GPC5: variants seen among roughly 807,000 people sequenced by gnomAD.
GPC5 encodes the protein glypican 5, also known as glypican-5.
GPC5 carries 47 observed loss-of-function variants against 53.9 expected under a neutral mutation model. The observed-to-expected ratio is 0.87, with a 90% CI of 0.69 to 1.11. The LOEUF is 1.11. GPC5 is among the 50% of genes most tolerant of loss of function. The pLI is 0.00. For synonymous variants in GPC5, 286 were observed against 263.3 expected (o/e 1.09, Z -0.84); for missense variants, 748 against 713.1 (o/e 1.05, Z -0.56).
chr13:91,531,367 AG>A (rs1208267403), intron 2 of GPC5, among the ~76,000 whole-genome samples: 1 of 151,534 alleles, frequency 6.6e-6, no homozygotes, highest in East Asian at 1.9e-4. Flanking sequence ...CGAAGAACAT[AG>A]GGGTTTTTTT....
At chr13:91,896,763 C>A (rs1349152919) in intron 5 of GPC5, among the ~76,000 whole-genome samples, 1 of 152,084 alleles carries the variant, frequency 6.6e-6, no homozygotes, top group Non-Finnish European at 1.5e-5. Flanking sequence ...TAGTAATTAC[C>A]ACTATTAGGA....
At chr13:91,468,666 T>C (rs2139170128) in intron 2 of GPC5, among the ~76,000 whole-genome samples, 1 of 152,224 alleles carries the variant, frequency 6.6e-6, no homozygotes, top group East Asian at 1.9e-4. Context: ...GAACTGTGAA[T>C]CCATAAATTT....
intron 6 of GPC5, among the ~76,000 whole-genome samples, chr13:91,952,616 AT>A (rs1434723472): frequency 6.6e-6 from 1 of 152,178 alleles, no homozygotes; most frequent in Non-Finnish European, 1.5e-5. Flanking sequence ...GGATCCCCCA[AT>A]GAGAGTATAT....
At chr13:92,041,733 G>A (rs111614824) in intron 6 of GPC5, among the ~76,000 whole-genome samples, 2,144 of 152,276 alleles carry the variant, frequency 0.014, 52 homozygotes, top group African/African-American at 0.05. Flanking sequence ...CCAGAAAGAA[G>A]GTGCCAGCTC....
At chr13:91,433,777 C>G (rs1292861255) in intron 1 of GPC5, among the ~76,000 whole-genome samples, 2 of 152,174 alleles carry the variant, frequency 1.3e-5, no homozygotes, top group South Asian at 2.1e-4. Context: ...AATTGCCACA[C>G]TGACTTCCAC....
intron 6 of GPC5, among the ~76,000 whole-genome samples, chr13:91,971,925 G>GA (rs1161174994): frequency 2.0e-5 from 3 of 151,868 alleles, no homozygotes; most frequent in Non-Finnish European, 4.4e-5. Flanking sequence ...TGTGGTGCTG[G>GA]AAAAAATGTA....
intron 7 of GPC5, among the ~76,000 whole-genome samples, chr13:92,527,518 C>T (rs965476698): frequency 6.6e-6 from 1 of 151,924 alleles, no homozygotes; most frequent in Non-Finnish European, 1.5e-5. Context: ...CACCGGTGAG[C>T]TTGAGAAGAG....
At chr13:91,886,090 G>T (rs2039318915) in intron 5 of GPC5, among the ~76,000 whole-genome samples, 1 of 152,076 alleles carries the variant, frequency 6.6e-6, no homozygotes, top group Admixed American at 6.5e-5. Context: ...ACCTGGGACT[G>T]GGTAATTTAT....
chr13:91,855,552 T>C (rs990631784), intron 5 of GPC5, among the ~76,000 whole-genome samples: 4 of 151,626 alleles, frequency 2.6e-5, no homozygotes, highest in Admixed American at 6.6e-5. Flanking sequence ...AGAAGCAAAA[T>C]TGGCGATATT....
chr13:92,624,063 C>G (rs1318081194), intron 7 of GPC5, among the ~76,000 whole-genome samples: 1 of 143,464 alleles, frequency 7.0e-6, no homozygotes, highest in Non-Finnish European at 1.5e-5. Flanking sequence ...CGTTTCCCCA[C>G]GTTGGCCAGG....
At chr13:92,027,298 A>C (rs2040808513) in intron 6 of GPC5, among the ~76,000 whole-genome samples, 1 of 152,186 alleles carries the variant, frequency 6.6e-6, no homozygotes. Context: ...TACATTGTAC[A>C]TTATGTTCTC....
intron 7 of GPC5, among the ~76,000 whole-genome samples, chr13:92,752,755 T>C (rs9556208): frequency 0.29 from 43,975 of 151,962 alleles, 7,486 homozygotes; most frequent in East Asian, 0.68. Flanking sequence ...TCGGGTCACT[T>C]CCACCCGAAT....
At chr13:91,976,167 T>C (rs932229259) in intron 6 of GPC5, among the ~76,000 whole-genome samples, 2 of 152,160 alleles carry the variant, frequency 1.3e-5, no homozygotes, top group African/African-American at 4.8e-5. Flanking sequence ...ATATACCTAA[T>C]GTTAAATGAC....
intron 7 of GPC5, among the ~76,000 whole-genome samples, chr13:92,311,066 C>G (rs1173212164): frequency 6.6e-6 from 1 of 151,936 alleles, no homozygotes; most frequent in Non-Finnish European, 1.5e-5. Context: ...TTGAAAGATT[C>G]ACACAGGAAA....
chr13:91,814,001 C>T (rs747116301), intron 5 of GPC5, among the ~76,000 whole-genome samples: 7 of 134,388 alleles, frequency 5.2e-5, no homozygotes, highest in Admixed American at 3.4e-4. Flanking sequence ...GGCGTGATCT[C>T]GGCTCACTGC....
chr13:91,956,983 T>C (rs1024592123), intron 6 of GPC5, among the ~76,000 whole-genome samples: 1 of 151,894 alleles, frequency 6.6e-6, no homozygotes, highest in African/African-American at 2.4e-5. Flanking sequence ...CAAGCAAAAA[T>C]AAATTTTTGA....
Position 92,159,776 on chromosome 13 carries a change from G to T in GPC5, c.1561+14787G>T, listed in dbSNP as rs187429125. 8.5e-3 allele frequency among the ~76,000 whole-genome samples: 1,282 copies of T among 150,874 alleles called. 28 individuals are homozygous for T. Among genetic ancestry groups the T allele is most frequent in the African/African-American group, 0.03 (1,222 of 41,096 alleles). Reference sequence around the variant, plus strand: ...CGTCACCACGCCCTGCTAATTTTTTGTATTTTCAGTAGAGACGGGGTTTCA... The same window carrying T: ...CGTCACCACGCCCTGCTAATTTTTTTTATTTTCAGTAGAGACGGGGTTTCA... On this transcript the variant is annotated intron_variant, in intron 7 of 7. Transcript: ENST00000377067.
At chr13:92,763,007 T>C (rs1875249866) in intron 7 of GPC5, among the ~76,000 whole-genome samples, 1 of 152,148 alleles carries the variant, frequency 6.6e-6, no homozygotes, top group Admixed American at 6.5e-5. Flanking sequence ...TGATCCTGGA[T>C]TGTTTTTCTG....
Position 91,426,548 on chromosome 13 carries a change from T to G in GPC5, c.164-22213T>G, listed in dbSNP as rs1446465026. 3.3e-5 allele frequency among the ~76,000 whole-genome samples: 5 copies of G among 152,152 alleles called. No homozygotes were observed. In the East Asian group the frequency reaches 9.6e-4, roughly 29 times the overall value. On this transcript the variant is annotated intron_variant, in intron 1 of 7. Coordinates refer to ENST00000377067, the MANE Select transcript of GPC5 (RefSeq NM_004466.6). ...AACCTAAAAGTAGGGAAGCCAACAG[T>G]GCAGCCTTCAGTCTGTGGCCAAAGG...
Sources: allele counts gnomAD v4.1 joint callset (sites outside exome capture counted in the v4.1 genomes callset), GRCh38; gene constraint gnomAD v4.1.1; transcripts MANE v1.5; gene names NCBI Gene and HGNC (gene_info 2026-07-23, HGNC 2026-07-21).